Variants in HPSE2 observed in about 807,000 individuals in gnomAD.
HPSE2 encodes the protein heparanase 2 (inactive), also known as inactive heparanase-2.
A neutral mutation model predicts 60.5 loss-of-function variants in HPSE2; 38 were observed. The observed-to-expected ratio is 0.63, with a 90% CI of 0.48 to 0.82. The LOEUF (loss-of-function observed/expected upper bound fraction) is 0.82, where lower values mean the gene tolerates loss of function less well. Among genes scored for constraint, HPSE2 ranks in the 40% least tolerant of loss-of-function variants. The pLI is 0.00. For missense variants in HPSE2, 713 were observed against 740.4 expected (o/e 0.96, Z 0.43); for synonymous variants, 295 against 293.2 (o/e 1.01, Z -0.06).
At chr10:99,048,175 C>T (rs530836845) in intron 3 of HPSE2, 24 of 693,444 alleles carry the variant, frequency 3.5e-5, no homozygotes, top group South Asian at 1.1e-4. Flanking sequence ...CTTGATCTCT[C>T]GGTAAATATG....
In HPSE2 at chr10:99,086,642, G is replaced by A. The variant is rs560393463; in HGVS notation, c.610+57596C>T. ...GCTGGGATTACAGGCGTGAGCCACCGCGCCCGGCCGGAAAAGTACTTTCAT... is the reference window on the plus strand; with the variant it reads ...GCTGGGATTACAGGCGTGAGCCACCACGCCCGGCCGGAAAAGTACTTTCAT... On this transcript the variant is annotated intron_variant, in intron 3 of 11. Transcript: ENST00000370552. Among the ~76,000 whole-genome samples the A allele has an allele frequency of 5.1e-4, 78 of 152,164 alleles. 1 individual carries two copies. The highest frequency in any genetic ancestry group is 1.8e-3 in the African/African-American group (74 of 41,526).
At chr10:98,570,890 G>A (rs879465417) in intron 9 of HPSE2, among the ~76,000 whole-genome samples, 2 of 152,142 alleles carry the variant, frequency 1.3e-5, no homozygotes, top group African/African-American at 4.8e-5. Flanking sequence ...TTTCAACCAC[G>A]TAGTGTTAGT....
intron 3 of HPSE2, among the ~76,000 whole-genome samples, chr10:98,807,948 T>C (rs1021502634): frequency 2.6e-5 from 4 of 152,158 alleles, no homozygotes; most frequent in Non-Finnish European, 5.9e-5. Context: ...AGGAAAATGC[T>C]GACTTCTTCT....
At chr10:98,867,839 T>C (rs553741579) in intron 3 of HPSE2, among the ~76,000 whole-genome samples, 2 of 151,976 alleles carry the variant, frequency 1.3e-5, no homozygotes, top group Admixed American at 6.6e-5. Context: ...GCAGGCCAAC[T>C]ACCTGAGGTC....
chr10:98,584,025 C>T (rs1232149213), intron 9 of HPSE2, among the ~76,000 whole-genome samples: 1 of 152,126 alleles, frequency 6.6e-6, no homozygotes, highest in Non-Finnish European at 1.5e-5. Context: ...ATATACCTAG[C>T]AATGGAAATG....
intron 3 of HPSE2, among the ~76,000 whole-genome samples, chr10:99,094,955 A>C (rs550880958): frequency 6.6e-6 from 1 of 152,234 alleles, no homozygotes; most frequent in Admixed American, 6.5e-5. Context: ...TGGGAGGCCA[A>C]GGTGGGAGGA....
intron 3 of HPSE2, among the ~76,000 whole-genome samples, chr10:99,029,860 C>A (rs770860875): frequency 9.9e-5 from 15 of 152,116 alleles, no homozygotes; most frequent in Non-Finnish European, 2.1e-4. Context: ...TCTCTAAACT[C>A]CCCCGGGGGA....
At chr10:98,781,444 A>T (rs1398139404) in intron 3 of HPSE2, among the ~76,000 whole-genome samples, 2 of 151,854 alleles carry the variant, frequency 1.3e-5, no homozygotes, top group Non-Finnish European at 2.9e-5. Context: ...CAAAACAAAT[A>T]AACTGAAAAT....
intron 3 of HPSE2, among the ~76,000 whole-genome samples, chr10:98,789,375 GA>G (rs1394813630): frequency 1.8e-4 from 27 of 152,298 alleles, no homozygotes; most frequent in Middle Eastern, 3.4e-3. Context: ...AATGTTGCAG[GA>G]TGGGTTTTTC....
intron 6 of HPSE2, among the ~76,000 whole-genome samples, chr10:98,670,999 A>G (rs551633982): frequency 5.9e-4 from 90 of 152,322 alleles, no homozygotes; most frequent in Admixed American, 1.4e-3. Context: ...GCTACACAGT[A>G]AGCATTTCCT....
intron 3 of HPSE2, among the ~76,000 whole-genome samples, chr10:98,921,449 T>A (rs1590080311): frequency 1.3e-5 from 2 of 152,160 alleles, no homozygotes; most frequent in East Asian, 3.9e-4. Context: ...AAAGCTGGCC[T>A]CTTTCTGAAT....
At chr10:98,668,637 A>G (rs767425304) in intron 6 of HPSE2, among the ~76,000 whole-genome samples, 1 of 152,208 alleles carries the variant, frequency 6.6e-6, no homozygotes, top group Non-Finnish European at 1.5e-5. Flanking sequence ...AATGAACTTG[A>G]CAAAAATAAG....
intron 9 of HPSE2, among the ~76,000 whole-genome samples, chr10:98,521,206 C>T (rs1942780265): frequency 6.6e-6 from 1 of 152,124 alleles, no homozygotes; most frequent in Non-Finnish European, 1.5e-5. Context: ...AACAGGCAAC[C>T]TACAGAATGG....
intron 2 of HPSE2, among the ~76,000 whole-genome samples, chr10:99,172,322 C>G (rs995012834): frequency 5.3e-5 from 8 of 152,160 alleles, no homozygotes; most frequent in African/African-American, 1.9e-4. Context: ...ATGTGGATGG[C>G]TTTGGAGCCT....
At chr10:98,646,394 TG>T (rs1349342698) in intron 6 of HPSE2, among the ~76,000 whole-genome samples, 6 of 152,052 alleles carry the variant, frequency 3.9e-5, no homozygotes, top group African/African-American at 1.4e-4. Context: ...AGGTATATCA[TG>T]GTCATCCTCC....
At chr10:99,128,527 T>C (rs1460836761) in intron 3 of HPSE2, among the ~76,000 whole-genome samples, 2 of 152,154 alleles carry the variant, frequency 1.3e-5, no homozygotes, top group Non-Finnish European at 2.9e-5. Flanking sequence ...TCATGTCCTT[T>C]GTAGGGACAT....
intron 3 of HPSE2, among the ~76,000 whole-genome samples, chr10:99,065,104 A>G (rs1341263642): frequency 6.6e-6 from 1 of 152,234 alleles, no homozygotes; most frequent in Non-Finnish European, 1.5e-5. Flanking sequence ...AGTTTGTCAC[A>G]TAATTTTAAA....
chr10:98,488,891 A>G (rs868413893), intron 10 of HPSE2, among the ~76,000 whole-genome samples: 1 of 152,220 alleles, frequency 6.6e-6, no homozygotes, highest in African/African-American at 2.4e-5. Flanking sequence ...ACTTGTATCT[A>G]CTGACAAGAC....
chr10:99,105,843 T>C (rs191342577), intron 3 of HPSE2, among the ~76,000 whole-genome samples: 22 of 152,224 alleles, frequency 1.4e-4, no homozygotes, highest in South Asian at 1.0e-3. Flanking sequence ...TTAATCCGAA[T>C]ATCCACTTGT....
Sources: allele counts gnomAD v4.1 joint callset (sites outside exome capture counted in the v4.1 genomes callset), GRCh38; gene constraint gnomAD v4.1.1; transcripts MANE v1.5; gene names NCBI Gene and HGNC (gene_info 2026-07-23, HGNC 2026-07-21).